NPFFR2: variants seen among roughly 807,000 people sequenced by gnomAD.
NPFFR2 encodes G-protein coupled receptor 74.
In NPFFR2, 15 loss-of-function variants were observed where a neutral mutation model predicts 13.1. The observed-to-expected ratio is 1.15, with a 90% confidence interval of 0.77 to 1.76. The LOEUF (loss-of-function observed/expected upper bound fraction) is 1.76. Ranked by LOEUF, NPFFR2 falls within the 40% of genes most tolerant of loss-of-function variation. The probability of loss-of-function intolerance (pLI) is 0.00; values close to 1 mark genes in which losing one functional copy is unlikely to be tolerated. For synonymous variants in NPFFR2, 190 were observed against 175.7 expected (o/e 1.08, Z -0.65); for missense variants, 572 against 503.5 (o/e 1.14, Z -1.30).
chr4:72,088,724 A>G (rs537670849), intron 1 of NPFFR2, among the ~76,000 whole-genome samples: 40 of 152,106 alleles, frequency 2.6e-4, no homozygotes, highest in Admixed American at 1.2e-3. Flanking sequence ...TAAAACCATC[A>G]GATTTCCCAA....
chr4:72,131,468 G>GA (rs1722240652), intron 2 of NPFFR2, among the ~76,000 whole-genome samples: 1 of 106,208 alleles, frequency 9.4e-6, no homozygotes, highest in Non-Finnish European at 1.8e-5. Context: ...AGGGGGGAGG[G>GA]ATAGCACTAG....
intron 1 of NPFFR2, among the ~76,000 whole-genome samples, chr4:72,119,023 G>A (rs184229676): frequency 2.3e-4 from 35 of 151,270 alleles, no homozygotes; most frequent in Non-Finnish European, 4.4e-4. Context: ...ACTGAGATGA[G>A]AATTGAACAG....
intron 1 of NPFFR2, among the ~76,000 whole-genome samples, chr4:72,072,272 G>C (rs59395306): frequency 6.6e-6 from 1 of 151,884 alleles, no homozygotes; most frequent in Non-Finnish European, 1.5e-5. Flanking sequence ...CACAGACTTT[G>C]AACAACTGTC....
chr4:72,097,535 A>G (rs376657080), intron 1 of NPFFR2, among the ~76,000 whole-genome samples: 5 of 152,262 alleles, frequency 3.3e-5, no homozygotes, highest in African/African-American at 9.6e-5. Context: ...TATGGACTTT[A>G]TAGTAAAAGC....
At chr4:72,054,840 A>T (rs1340418195) in intron 1 of NPFFR2, among the ~76,000 whole-genome samples, 5 of 151,930 alleles carry the variant, frequency 3.3e-5, no homozygotes, top group Admixed American at 1.3e-4. Flanking sequence ...TAAACTCATG[A>T]AAAACTGTTC....
intron 1 of NPFFR2, among the ~76,000 whole-genome samples, chr4:72,077,356 C>G (rs7669139): frequency 0.89 from 135,691 of 151,844 alleles, 61,664 homozygotes; most frequent in Non-Finnish European, 0.98. Flanking sequence ...TAGGGCCTGT[C>G]ATGGGCCAGG....
At chr4:72,070,971 G>A (rs1469757269) in intron 1 of NPFFR2, among the ~76,000 whole-genome samples, 1 of 152,202 alleles carries the variant, frequency 6.6e-6, no homozygotes, top group African/African-American at 2.4e-5. Context: ...TTCTTTGAGA[G>A]GGAGAGTAAC....
chr4:72,065,971 A>G (rs972254088), intron 1 of NPFFR2, among the ~76,000 whole-genome samples: 3 of 152,192 alleles, frequency 2.0e-5, no homozygotes, highest in East Asian at 3.9e-4. Context: ...CTCATATATT[A>G]TGCATTTATT....
At chr4:72,053,581 C>T (rs1719654790) in intron 1 of NPFFR2, among the ~76,000 whole-genome samples, 2 of 151,736 alleles carry the variant, frequency 1.3e-5, no homozygotes. Flanking sequence ...AAAAAAATTT[C>T]TTCCAGGTTA....
intron 1 of NPFFR2, among the ~76,000 whole-genome samples, chr4:72,106,301 C>G (rs1329507899): frequency 1.3e-5 from 2 of 151,952 alleles, no homozygotes; most frequent in African/African-American, 4.8e-5. Flanking sequence ...CCAACTGACA[C>G]TCCTAGAGTC....
chr4:72,046,513 A>G (rs1719387508), intron 1 of NPFFR2, among the ~76,000 whole-genome samples: 1 of 152,110 alleles, frequency 6.6e-6, no homozygotes, highest in Non-Finnish European at 1.5e-5. Context: ...CATTATCCAG[A>G]CCCATGAGCC....
chr4:72,104,342 T>C (rs13115310), intron 1 of NPFFR2, among the ~76,000 whole-genome samples: 2,754 of 152,202 alleles, frequency 0.018, 41 homozygotes, highest in Non-Finnish European at 0.028. Flanking sequence ...CTTTGCCTCA[T>C]AATAAGTAGG....
intron 1 of NPFFR2, among the ~76,000 whole-genome samples, chr4:72,114,916 T>G (rs1721667753): frequency 6.6e-6 from 1 of 152,100 alleles, no homozygotes; most frequent in Non-Finnish European, 1.5e-5. Context: ...GTTACTTGCT[T>G]TTTCCCCAGT....
chr4:72,041,421 C>T (rs1719217468), intron 1 of NPFFR2, among the ~76,000 whole-genome samples: 1 of 152,182 alleles, frequency 6.6e-6, no homozygotes, highest in Admixed American at 6.5e-5. Context: ...GGGTTGATTT[C>T]ATGTCTTTAT....
intron 1 of NPFFR2, among the ~76,000 whole-genome samples, chr4:72,064,045 G>A (rs1719998356): frequency 6.6e-6 from 1 of 152,224 alleles, no homozygotes. Context: ...ATGTGAATGA[G>A]TGAGTCACAA....
chr4:72,121,135 G>C (rs997770636), intron 1 of NPFFR2, among the ~76,000 whole-genome samples: 1 of 151,746 alleles, frequency 6.6e-6, no homozygotes. Flanking sequence ...TCGATCAAGC[G>C]GAAGAAAGGA....
intron 1 of NPFFR2, among the ~76,000 whole-genome samples, chr4:72,053,523 T>C (rs1719653041): frequency 2.6e-5 from 4 of 151,994 alleles, no homozygotes; most frequent in African/African-American, 7.2e-5. Flanking sequence ...TTTCTTAAAT[T>C]TATTACCATG....
At position 72,127,394 on chromosome 4, in the gene NPFFR2, C is replaced by T. The variant is rs1177456873; in HGVS notation, c.-7-1191C>T. On this transcript the variant is annotated intron_variant, in intron 1 of 3. Transcript: ENST00000308744. ...TTTTTTTTTTTTTGAGACGGAGTCTCGCTCTGTCGCCCAGGCTGGAGTGCA... is the reference window on the plus strand; with the variant it reads ...TTTTTTTTTTTTTGAGACGGAGTCTTGCTCTGTCGCCCAGGCTGGAGTGCA... 5.8e-4 allele frequency among the ~76,000 whole-genome samples: 47 copies of T among 81,604 alleles called. 1 individual carries two copies. The highest frequency in any genetic ancestry group is 8.5e-4 in the Non-Finnish European group (40 of 47,240). The allele number at this position is 81,604 out of a possible 152,430, so 53.5% of individuals were successfully genotyped here.
chr4:72,125,942 G>C (rs1722033801), intron 1 of NPFFR2, among the ~76,000 whole-genome samples: 1 of 152,148 alleles, frequency 6.6e-6, no homozygotes, highest in African/African-American at 2.4e-5. Flanking sequence ...ATAGGTGGTA[G>C]GAAGTTTAAA....
Sources: gnomAD v4.1 joint callset for allele counts (sites outside exome capture counted in the v4.1 genomes callset) on GRCh38, gnomAD v4.1.1 for gene constraint, MANE v1.5 for transcripts, NCBI Gene and HGNC (gene_info 2026-07-23, HGNC 2026-07-21) for gene names.